The following IL6ST variants were observed in gnomAD, a reference collection of about 807,000 sequenced individuals.
IL6ST encodes interleukin-6 receptor subunit beta.
Under a neutral mutation model 91.3 loss-of-function variants are expected in IL6ST, and 24 were observed. That is an observed-to-expected ratio of 0.26 (90% CI 0.19 to 0.37). IL6ST has a LOEUF of 0.37. IL6ST is among the 10% of genes least tolerant of loss of function. IL6ST has a pLI of 1.00. For missense variants in IL6ST, 914 were observed against 1,078.5 expected (o/e 0.85, Z 2.14); for synonymous variants, 351 against 373.6 (o/e 0.94, Z 0.70).
At chr5:55,946,569 A>C (rs772653154) in intron 15 of IL6ST, among the ~76,000 whole-genome samples, 2 of 152,170 alleles carry the variant, frequency 1.3e-5, no homozygotes, top group Non-Finnish European at 2.9e-5. Context: ...TAATCCCAGC[A>C]CTTTTGGGAA....
intron 2 of IL6ST, 130 bp downstream of exon 2, chr5:55,982,594 A>G: frequency 2.6e-6 from 1 of 391,438 alleles, no homozygotes; most frequent in East Asian, 3.6e-5. Context: ...ATTACACAAA[A>G]TGTTGTCACA....
At chr5:55,992,486 T>C (rs940040308) in intron 1 of IL6ST, among the ~76,000 whole-genome samples, 1 of 152,172 alleles carries the variant, frequency 6.6e-6, no homozygotes, top group African/African-American at 2.4e-5. Flanking sequence ...TATCCTATTA[T>C]TATTAGACCT....
At chr5:55,960,786 C>CT (rs1752264199) in intron 7 of IL6ST, among the ~76,000 whole-genome samples, 1 of 151,522 alleles carries the variant, frequency 6.6e-6, no homozygotes, top group Non-Finnish European at 1.5e-5. Flanking sequence ...CCCGCCACCA[C>CT]TCTCAGCTAA....
chr5:55,948,071 G>A (rs2111646174), intron 14 of IL6ST, among the ~76,000 whole-genome samples: 1 of 152,202 alleles, frequency 6.6e-6, no homozygotes, highest in South Asian at 2.1e-4. Context: ...AAATAAAAAT[G>A]CAACTCTCAG....
chr5:55,975,923 CACTT>C (rs1356724078), intron 3 of IL6ST, among the ~76,000 whole-genome samples: 2 of 150,182 alleles, frequency 1.3e-5, no homozygotes, highest in African/African-American at 4.9e-5. Flanking sequence ...AAAACCCACA[CACTT>C]CTTTCCTTCC....
At chr5:55,965,006 CTTAATACTA>C (rs1394751307) in intron 5 of IL6ST, among the ~76,000 whole-genome samples, 1 of 151,924 alleles carries the variant, frequency 6.6e-6, no homozygotes, top group Non-Finnish European at 1.5e-5. Context: ...CTGAACAAGC[CTTAATACTA>C]TTAATAGATT....
At chr5:55,977,304 G>A (rs1182193208) in intron 2 of IL6ST, among the ~76,000 whole-genome samples, 1 of 151,818 alleles carries the variant, frequency 6.6e-6, no homozygotes, top group African/African-American at 2.4e-5. Context: ...ATGTTGCCCA[G>A]GCTGTCTCAA....
At chr5:55,963,091 G>GA (rs74270750) in intron 7 of IL6ST, among the ~76,000 whole-genome samples, 144 of 117,452 alleles carry the variant, frequency 1.2e-3, no homozygotes, top group South Asian at 3.5e-3. Context: ...GTCTCTAGAA[G>GA]AAAAAAAAAA....
rs888259444 is a variant in IL6ST at position 55,967,039 on chromosome 5, G to A, written c.491+1237C>T. 5.9e-5 allele frequency among the ~76,000 whole-genome samples: 9 copies of A among 151,552 alleles called. No individual in the cohort carries two copies. In the East Asian group the frequency reaches 1.6e-3, roughly 26 times the overall value. Reference sequence around the variant, plus strand: ...AAAGAAAAAGACAAGGGGGCCAGGCGCGGTGGCCACGTCTATCATCTAAGC... The same window carrying A: ...AAAGAAAAAGACAAGGGGGCCAGGCACGGTGGCCACGTCTATCATCTAAGC... On this transcript the variant is annotated intron_variant, in intron 5 of 16. Coordinates refer to ENST00000381298, the MANE Select transcript of IL6ST (RefSeq NM_002184.4).
At chr5:55,951,849 A>AAGAAGAAC (rs1751653336) in intron 13 of IL6ST, 80 bp downstream of exon 13, 3 of 919,726 alleles carry the variant, frequency 3.3e-6, no homozygotes, top group South Asian at 3.4e-5. Context: ...TAAGATGTAT[A>AAGAAGAAC]AGAAGAACAG....
At position 55,990,038 on chromosome 5, in the gene IL6ST, G is replaced by C. The variant is rs534387290; in HGVS notation, c.-104+4746C>G. Reference sequence around the variant, plus strand: ...CAGATCAATCAACCTTAGAGCAAAGGGTGAAGCTGATTGCTTAAAAGAAAA... The same window carrying C: ...CAGATCAATCAACCTTAGAGCAAAGCGTGAAGCTGATTGCTTAAAAGAAAA... On this transcript the variant is annotated intron_variant, in intron 1 of 16. Transcript: ENST00000381298. 2.6e-5 allele frequency among the ~76,000 whole-genome samples: 4 copies of C among 152,208 alleles called. No homozygotes were observed. In the East Asian group the frequency reaches 5.8e-4, roughly 22 times the overall value.
At chr5:55,950,210 C>CCATGGA in intron 14 of IL6ST, 1 of 487,972 alleles carries the variant, frequency 2.0e-6, no homozygotes, top group Non-Finnish European at 4.1e-6. Context: ...ATGGCTAAAG[C>CCATGGA]CATGGACAGA....
At chr5:55,969,518 A>G (rs1752832140) in intron 4 of IL6ST, 32 bp downstream of exon 4, 1 of 1,458,892 alleles carries the variant, frequency 6.9e-7, no homozygotes, top group Non-Finnish European at 9.5e-7. Flanking sequence ...TAGTCATGAC[A>G]AAGTCTGAAA....
At chr5:55,960,063 T>C (rs932830395) in intron 8 of IL6ST, among the ~76,000 whole-genome samples, 4 of 151,996 alleles carry the variant, frequency 2.6e-5, no homozygotes, top group Non-Finnish European at 5.9e-5. Flanking sequence ...TTTTTGTATT[T>C]TTAATAGAGA....
rs768339048 is a variant in IL6ST, at chr5:55,964,138, A to G, written c.658+8T>C. 1.3e-6 allele frequency: 2 copies of G among 1,520,942 alleles called. No individual in the cohort carries two copies. Among genetic ancestry groups the G allele is most frequent in the Non-Finnish European group, 1.8e-6 (2 of 1,120,962 alleles). 94.2% of individuals were successfully genotyped at this position (1,520,942 alleles called of 1,614,324 possible). ...CAAATAAACTCTCAAATTCAGGTTT[A>G]TAACTACCTTTATATACAGGATCAA... On this transcript the variant is annotated splice_region_variant and intron_variant, in intron 6 of 16. Coordinates refer to ENST00000381298, the MANE Select transcript of IL6ST (RefSeq NM_002184.4).
intron 1 of IL6ST, among the ~76,000 whole-genome samples, chr5:55,985,157 A>T (rs999991208): frequency 5.6e-4 from 86 of 152,290 alleles, no homozygotes; most frequent in African/African-American, 2.0e-3. Context: ...AGGAGGTTTA[A>T]TTTTAATAAA....
At chr5:55,973,869 AAAC>A (rs1478325284) in intron 3 of IL6ST, among the ~76,000 whole-genome samples, 1 of 152,258 alleles carries the variant, frequency 6.6e-6, no homozygotes, top group Non-Finnish European at 1.5e-5. Context: ...ACAGGACTAC[AAAC>A]AACTGCCAAC....
intron 3 of IL6ST, among the ~76,000 whole-genome samples, chr5:55,973,673 T>C (rs1184461819): frequency 6.6e-6 from 1 of 152,240 alleles, no homozygotes; most frequent in Non-Finnish European, 1.5e-5. Context: ...ATACGTCTGA[T>C]TGTGCCTGCC....
intron 3 of IL6ST, among the ~76,000 whole-genome samples, chr5:55,970,313 AGAC>A (rs2111818249): frequency 6.6e-6 from 1 of 152,326 alleles, no homozygotes; most frequent in East Asian, 1.9e-4. Context: ...ATCAAAACTC[AGAC>A]AACAAAGGAA....
Sources: allele counts gnomAD v4.1 joint callset (sites outside exome capture counted in the v4.1 genomes callset), GRCh38; gene constraint gnomAD v4.1.1; transcripts MANE v1.5; gene names NCBI Gene and HGNC (gene_info 2026-07-23, HGNC 2026-07-21).